The following NPAS3 variants were observed in gnomAD, a reference collection of about 807,000 sequenced individuals.
The protein encoded by NPAS3 is neuronal PAS domain-containing protein 3.
Under a neutral mutation model 73.1 loss-of-function variants are expected in NPAS3, and 14 were observed. The ratio of observed to expected loss-of-function variants is 0.19; its 90% CI spans 0.13 to 0.30. The LOEUF (loss-of-function observed/expected upper bound fraction) is 0.30, where lower values mean the gene tolerates loss of function less well. NPAS3 is among the 10% of genes least tolerant of loss of function. The probability of loss-of-function intolerance (pLI) is 1.00; values close to 1 mark genes in which losing one functional copy is unlikely to be tolerated. For missense variants in NPAS3, 1,096 were observed against 1,250.0 expected (o/e 0.88, Z 1.86); for synonymous variants, 620 against 541.5 (o/e 1.14, Z -2.01).
intron 3 of NPAS3, among the ~76,000 whole-genome samples, chr14:33,246,468 G>A (rs1490666852): frequency 6.7e-6 from 1 of 149,104 alleles, no homozygotes; most frequent in African/African-American, 2.5e-5. Flanking sequence ...GAACCCCGGG[G>A]GACGGAGCCT....
At chr14:33,422,605 G>A (rs1242686765) in intron 4 of NPAS3, among the ~76,000 whole-genome samples, 1 of 151,876 alleles carries the variant, frequency 6.6e-6, no homozygotes, top group Non-Finnish European at 1.5e-5. Flanking sequence ...TAAAATGAAA[G>A]CTTCATGAGG....
intron 4 of NPAS3, among the ~76,000 whole-genome samples, chr14:33,429,430 G>A (rs893636436): frequency 1.3e-5 from 2 of 152,078 alleles, no homozygotes; most frequent in Admixed American, 1.3e-4. Context: ...CAACGACCTA[G>A]TTTTCTACAC....
chr14:33,616,288 A>G (rs2057915294), intron 5 of NPAS3, among the ~76,000 whole-genome samples: 1 of 152,184 alleles, frequency 6.6e-6, no homozygotes, highest in South Asian at 2.1e-4. Flanking sequence ...CTTCGTATGA[A>G]CTTATGGAAC....
chr14:33,800,507 T>C lies in NPAS3; in HGVS notation c.2200T>C (p.Ser734Pro). The C allele has an allele frequency of 7.0e-7, 1 of 1,430,966 alleles. No individual in the cohort carries two copies. The highest frequency in any genetic ancestry group is 1.5e-5 in the South Asian group (1 of 68,550). The allele number at this position is 1,430,966 out of a possible 1,614,324, so 88.6% of individuals were successfully genotyped here. The change falls in exon 12 of 12, where the codon TCG becomes CCG. Residue 734 changes from serine (S) to proline (P), a missense_variant. Ser to Pro is a moderately conservative substitution (Grantham distance 74). This residue lies in a region of NPAS3 where 698 missense variants were observed against 676.7 expected (regional missense o/e 1.03). Transcript: ENST00000356141. The surrounding 1 kb of genome is among the most constrained non-coding windows in gnomAD (Gnocchi z 6.5). ...CGCCCGCAAGACTCAGTTCGGCGCC[T>C]CGGCCACCGCGGCCCTGGCCCCCGT...
intron 2 of NPAS3, among the ~76,000 whole-genome samples, chr14:33,060,254 A>T (rs1225264004): frequency 6.6e-6 from 1 of 152,220 alleles, no homozygotes; most frequent in Non-Finnish European, 1.5e-5. Flanking sequence ...CAATTCAGCC[A>T]TATAGTTGGA....
intron 5 of NPAS3, among the ~76,000 whole-genome samples, chr14:33,667,790 A>G (rs551027047): frequency 6.6e-6 from 1 of 152,262 alleles, no homozygotes; most frequent in South Asian, 2.1e-4. Context: ...GGCGTGAAGA[A>G]TTTTGTTCCT....
intron 2 of NPAS3, among the ~76,000 whole-genome samples, chr14:33,205,112 ACAAT>A (rs1270929864): frequency 6.6e-6 from 1 of 152,148 alleles, no homozygotes; most frequent in Admixed American, 6.6e-5. Context: ...GTAGAAATAA[ACAAT>A]CTTAATATTT....
intron 3 of NPAS3, among the ~76,000 whole-genome samples, chr14:33,289,820 T>G (rs1481410563): frequency 1.2e-5 from 1 of 83,454 alleles, no homozygotes; most frequent in East Asian, 4.0e-4. Flanking sequence ...AGACTCCGTC[T>G]CAAAAAAAAA....
At chr14:33,059,713 A>G (rs78698617) in intron 2 of NPAS3, among the ~76,000 whole-genome samples, 2 of 152,240 alleles carry the variant, frequency 1.3e-5, no homozygotes, top group African/African-American at 4.8e-5. Flanking sequence ...ACAGTTGTCA[A>G]TCTTATAAAA....
intron 1 of NPAS3, among the ~76,000 whole-genome samples, chr14:33,002,816 A>G (rs1351931474): frequency 1.3e-5 from 2 of 152,206 alleles, no homozygotes; most frequent in Non-Finnish European, 2.9e-5. Flanking sequence ...CAGATGTACT[A>G]CAGACATTGG....
At chr14:33,181,599 G>A (rs2045802883) in intron 2 of NPAS3, among the ~76,000 whole-genome samples, 2 of 152,116 alleles carry the variant, frequency 1.3e-5, no homozygotes, top group South Asian at 2.1e-4. Flanking sequence ...TAGTAGTTGG[G>A]TAGATGATGC....
At chr14:33,066,222 G>A (rs1395921769) in intron 2 of NPAS3, among the ~76,000 whole-genome samples, 2 of 152,156 alleles carry the variant, frequency 1.3e-5, no homozygotes, top group African/African-American at 4.8e-5. Context: ...ATTGCTATCA[G>A]TGAAAACAAT....
At chr14:32,938,514 A>AGAGAGAGAGAGAGAGAGAGG (rs1566779451), upstream of NPAS3, among the ~76,000 whole-genome samples, 2 of 121,142 alleles carry the variant, frequency 1.7e-5, no homozygotes, top group Non-Finnish European at 3.6e-5. Context: ...AGAGAGAGAG[A>AGAGAGAGAGAGAGAGAGAGG]GAGAGAGAGA....
intron 4 of NPAS3, among the ~76,000 whole-genome samples, chr14:33,503,641 CTCATTAAAAATGTAAT>C (rs2052621742): frequency 6.6e-6 from 1 of 151,758 alleles, no homozygotes; most frequent in Non-Finnish European, 1.5e-5. Context: ...TTTATTGAGC[CTCATTAAAAATGTAAT>C]TCATTAAAAA....
chr14:33,456,220 G>A (rs1484564225), intron 4 of NPAS3, among the ~76,000 whole-genome samples: 3 of 152,166 alleles, frequency 2.0e-5, no homozygotes, highest in Non-Finnish European at 4.4e-5. Flanking sequence ...ATGGAAAGGG[G>A]GCCCTGCATC....
intron 2 of NPAS3, among the ~76,000 whole-genome samples, chr14:33,123,270 G>A (rs973922042): frequency 7.9e-5 from 12 of 152,086 alleles, no homozygotes; most frequent in African/African-American, 2.7e-4. Context: ...GGAGTTATGG[G>A]GATTTGGGGG....
intron 2 of NPAS3, among the ~76,000 whole-genome samples, chr14:33,125,108 C>T (rs756868021): frequency 6.6e-6 from 1 of 152,024 alleles, no homozygotes; most frequent in African/African-American, 2.4e-5. Context: ...AGTGCAGGGA[C>T]TTTTATCTTC....
At chr14:33,452,774 C>CAAAAAAAAAA (rs61640170) in intron 4 of NPAS3, among the ~76,000 whole-genome samples, 11 of 53,834 alleles carry the variant, frequency 2.0e-4, no homozygotes, top group African/African-American at 7.8e-4. Flanking sequence ...GACTCTGTCT[C>CAAAAAAAAAA]AAAAAAAAAA....
intron 5 of NPAS3, among the ~76,000 whole-genome samples, chr14:33,654,554 TAAGTA>T (rs148794017): frequency 0.023 from 3,565 of 152,290 alleles, 139 homozygotes; most frequent in African/African-American, 0.079. Context: ...TCTGCAGCTC[TAAGTA>T]AAGACGCATT....
Sources: allele counts gnomAD v4.1 joint callset (sites outside exome capture counted in the v4.1 genomes callset), GRCh38; gene constraint gnomAD v4.1.1; regional missense constraint gnomAD v4.1.1; non-coding constraint Gnocchi (gnomAD v3.1); transcripts MANE v1.5; gene names NCBI Gene and HGNC (gene_info 2026-07-23, HGNC 2026-07-21).